The following SPPL3 variants were observed in gnomAD, a reference collection of about 807,000 sequenced individuals.
The protein encoded by SPPL3 is signal peptide peptidase-like 3.
A neutral mutation model predicts 42.4 loss-of-function variants in SPPL3; 5 were observed. The ratio of observed to expected loss-of-function variants is 0.12; its 90% CI spans 0.06 to 0.25. The LOEUF (loss-of-function observed/expected upper bound fraction) is 0.25. Among genes scored for constraint, SPPL3 ranks in the 10% least tolerant of loss-of-function variants. SPPL3 has a pLI of 1.00. For missense variants in SPPL3, 235 were observed against 489.0 expected, an observed-to-expected ratio of 0.48 and a Z score of 4.90; for synonymous variants, 195 against 181.8, an observed-to-expected ratio of 1.07 and a Z score of -0.58.
intron 1 of SPPL3, among the ~76,000 whole-genome samples, chr12:120,890,353 G>A (rs572223336): frequency 3.9e-4 from 59 of 152,196 alleles, no homozygotes; most frequent in African/African-American, 1.3e-3. Flanking sequence ...ACTTTGGGAG[G>A]CTGAGGCGGG....
chr12:120,802,437 T>A (rs1395758136), intron 2 of SPPL3, among the ~76,000 whole-genome samples: 2 of 143,038 alleles, frequency 1.4e-5, no homozygotes, highest in Admixed American at 7.0e-5. Context: ...ATATATTTTT[T>A]TTTTTTTTCC....
intron 10 of SPPL3, among the ~76,000 whole-genome samples, chr12:120,765,909 G>A (rs912835265): frequency 2.6e-5 from 4 of 152,082 alleles, no homozygotes; most frequent in South Asian, 2.1e-4. Context: ...AAACTTTAAC[G>A]TAGTGTTAAG....
chr12:120,781,231 T>C (rs987145498), intron 6 of SPPL3, among the ~76,000 whole-genome samples: 4 of 152,188 alleles, frequency 2.6e-5, no homozygotes, highest in African/African-American at 9.6e-5. Context: ...GAAATTCTCA[T>C]ATGCTACAGG....
chr12:120,867,907 C>G (rs573017585), intron 1 of SPPL3, among the ~76,000 whole-genome samples: 6 of 151,968 alleles, frequency 3.9e-5, no homozygotes, highest in Admixed American at 6.6e-5. Flanking sequence ...GCCACCACAC[C>G]CAGCTAAATT....
At chr12:120,791,770 C>T (rs1177933072) in intron 2 of SPPL3, 3 of 484,698 alleles carry the variant, frequency 6.2e-6, no homozygotes, top group African/African-American at 4.0e-5. Flanking sequence ...ATGAAAGCAT[C>T]CCAATGCAGC....
At chr12:120,810,726 T>C in intron 2 of SPPL3, 83 bp downstream of exon 2, 1 of 1,031,910 alleles carries the variant, frequency 9.7e-7, no homozygotes, top group Non-Finnish European at 1.5e-6. Flanking sequence ...CTTCACAGAG[T>C]AAGTTTTGGT....
At chr12:120,889,939 C>T (rs1168946) in intron 1 of SPPL3, among the ~76,000 whole-genome samples, 73,503 of 151,972 alleles carry the variant, frequency 0.48, 17,964 homozygotes, top group East Asian at 0.56. Context: ...ATTCTTCCAC[C>T]TTACTTTGAA....
At chr12:120,887,400 G>A (rs1164944652) in intron 1 of SPPL3, among the ~76,000 whole-genome samples, 2 of 151,928 alleles carry the variant, frequency 1.3e-5, no homozygotes, top group East Asian at 3.8e-4. Context: ...TATCCTCCTG[G>A]CAAAGAACTG....
At chr12:120,775,470 CA>C (rs1488725870) in intron 6 of SPPL3, among the ~76,000 whole-genome samples, 2 of 152,118 alleles carry the variant, frequency 1.3e-5, no homozygotes, top group Non-Finnish European at 2.9e-5. Flanking sequence ...CATTTTAAAA[CA>C]AAATATCAAT....
At chr12:120,808,429 A>G (rs765561028) in intron 2 of SPPL3, among the ~76,000 whole-genome samples, 6 of 152,208 alleles carry the variant, frequency 3.9e-5, no homozygotes, top group Non-Finnish European at 8.8e-5. Flanking sequence ...TTCCATCTAT[A>G]TAATTCTATG....
intron 1 of SPPL3, among the ~76,000 whole-genome samples, chr12:120,833,776 T>C (rs942992505): frequency 5.6e-4 from 39 of 70,160 alleles, no homozygotes; most frequent in Non-Finnish European, 1.2e-3. Flanking sequence ...AGTGTGTGTG[T>C]GTGTGTGTGT....
At chr12:120,880,142 G>A (rs1168435583) in intron 1 of SPPL3, among the ~76,000 whole-genome samples, 1 of 151,260 alleles carries the variant, frequency 6.6e-6, no homozygotes, top group Non-Finnish European at 1.5e-5. Flanking sequence ...AAAAACACTG[G>A]GGCTGAGACA....
In SPPL3 at chr12:120,868,037, G is replaced by A. The variant is rs538808073; in HGVS notation, c.23+35808C>T. On this transcript the variant is annotated intron_variant, in intron 1 of 10. Coordinates refer to ENST00000353487, the MANE Select transcript of SPPL3 (RefSeq NM_139015.5). The stretch of plus-strand genomic sequence containing the variant: ...GCTGGGATTACAGGCATGGGCCACG[G>A]CACCCAGCCTATGTATAAAAATTAT... Among the ~76,000 whole-genome samples, 108 of 152,238 alleles carry A rather than the reference G, an allele frequency of 7.1e-4. No individual in the cohort carries two copies. In the Middle Eastern group the frequency reaches 0.01, roughly 14 times the overall value.
intron 1 of SPPL3, among the ~76,000 whole-genome samples, chr12:120,892,370 G>C (rs952383806): frequency 6.6e-6 from 1 of 152,118 alleles, no homozygotes; most frequent in African/African-American, 2.4e-5. Context: ...AAGAGCTGTA[G>C]ACATCAGAAG....
chr12:120,875,089 C>T (rs144582296), intron 1 of SPPL3, among the ~76,000 whole-genome samples: 22 of 152,226 alleles, frequency 1.4e-4, no homozygotes, highest in Admixed American at 3.3e-4. Flanking sequence ...ATACTCCCAG[C>T]CCCCAGCTTT....
chr12:120,784,925 G>C (rs1592960819), intron 3 of SPPL3, among the ~76,000 whole-genome samples: 2 of 151,970 alleles, frequency 1.3e-5, no homozygotes, highest in South Asian at 2.1e-4. Context: ...GGGTAAATTT[G>C]TGGTCTTGAA....
chr12:120,796,425 T>C (rs1046426696), intron 2 of SPPL3, among the ~76,000 whole-genome samples: 2 of 152,188 alleles, frequency 1.3e-5, no homozygotes, highest in Non-Finnish European at 2.9e-5. Context: ...TTTGTATATA[T>C]GGAATACAAT....
chr12:120,826,292 CAAAAAAA>C (rs11341939), intron 1 of SPPL3, among the ~76,000 whole-genome samples: 1 of 118,642 alleles, frequency 8.4e-6, no homozygotes, highest in African/African-American at 3.2e-5. Flanking sequence ...AAACTGTCTC[CAAAAAAA>C]AAAAAAAAAA....
At chr12:120,810,345 A>C (rs1049077780) in intron 2 of SPPL3, among the ~76,000 whole-genome samples, 2 of 151,998 alleles carry the variant, frequency 1.3e-5, no homozygotes, top group Non-Finnish European at 2.9e-5. Context: ...GGTCTTCGTA[A>C]GCCTACTAAA....
Sources: gnomAD v4.1 joint callset for allele counts (sites outside exome capture counted in the v4.1 genomes callset) on GRCh38, gnomAD v4.1.1 for gene constraint, MANE v1.5 for transcripts, NCBI Gene and HGNC (gene_info 2026-07-23, HGNC 2026-07-21) for gene names.